Variants in CSMD3 observed in about 807,000 individuals in gnomAD.
The protein encoded by CSMD3 is CUB and sushi domain-containing protein 3.
A neutral mutation model predicts 435.2 loss-of-function variants in CSMD3; 177 were observed. The observed-to-expected ratio is 0.41, with a 90% CI of 0.36 to 0.46. The LOEUF is 0.46. CSMD3 is among the 20% of genes least tolerant of loss of function. The pLI is 0.34. For missense variants in CSMD3, 4,265 were observed against 4,504.6 expected (o/e 0.95, Z 1.52); for synonymous variants, 1,656 against 1,520.5 (o/e 1.09, Z -2.07).
intron 35 of CSMD3, among the ~76,000 whole-genome samples, chr8:112,404,675 T>C (rs1454385139): frequency 2.6e-5 from 4 of 152,098 alleles, no homozygotes; most frequent in South Asian, 2.1e-4. Context: ...TGTGAACAAA[T>C]GTATTTTAAA....
chr8:112,680,938 T>A (rs1475211584), intron 16 of CSMD3, among the ~76,000 whole-genome samples: 2 of 152,042 alleles, frequency 1.3e-5, no homozygotes, highest in Non-Finnish European at 2.9e-5. Flanking sequence ...AAACTGCTTT[T>A]AAAATAATCA....
intron 3 of CSMD3, among the ~76,000 whole-genome samples, chr8:113,184,038 C>A (rs951142024): frequency 6.6e-6 from 1 of 152,034 alleles, no homozygotes; most frequent in Admixed American, 6.6e-5. Context: ...AAGTCTGGGC[C>A]TCTGGAACCT....
intron 6 of CSMD3, among the ~76,000 whole-genome samples, chr8:112,981,052 T>G (rs1357814737): frequency 6.6e-6 from 1 of 151,520 alleles, no homozygotes; most frequent in Non-Finnish European, 1.5e-5. Context: ...AACTAGTTTA[T>G]AATTTTCAAA....
intron 32 of CSMD3, among the ~76,000 whole-genome samples, chr8:112,437,860 C>T (rs72674797): frequency 0.021 from 3,155 of 152,200 alleles, 48 homozygotes; most frequent in Middle Eastern, 0.034. Context: ...GCTCCTCTAC[C>T]TTCAATTAAC....
At chr8:113,288,744 T>C (rs2093663651) in intron 2 of CSMD3, among the ~76,000 whole-genome samples, 1 of 151,884 alleles carries the variant, frequency 6.6e-6, no homozygotes, top group South Asian at 2.1e-4. Flanking sequence ...TATAAGCTTG[T>C]ATTTTAGAGT....
At chr8:113,192,933 C>T (rs991841308) in intron 3 of CSMD3, among the ~76,000 whole-genome samples, 32 of 151,484 alleles carry the variant, frequency 2.1e-4, no homozygotes, top group African/African-American at 7.5e-4. Flanking sequence ...AATAAATGTT[C>T]TGAGTACAAG....
At position 112,291,633 on chromosome 8, in the gene CSMD3, C is replaced by T. The variant is rs2130678174; in HGVS notation, c.8851G>A (p.Gly2951Arg). 1 of 1,611,732 alleles carries T rather than the reference C, an allele frequency of 6.2e-7. No individual in the cohort carries two copies. The highest frequency in any genetic ancestry group is 1.7e-5 in the Admixed American group (1 of 59,936). Residue 2951 changes from glycine to arginine, a missense_variant, in exon 56 of 71, where the codon GGA (glycine) becomes AGA (arginine). Coordinates refer to ENST00000297405, the MANE Select transcript of CSMD3 (RefSeq NM_198123.2). ...ACCACAGTGCCGTAAGTAAAATTTCCATGTTCTATTTTACTTTCTCTTTTA... is the reference window on the plus strand; with the variant it reads ...ACCACAGTGCCGTAAGTAAAATTTCTATGTTCTATTTTACTTTCTCTTTTA... ...NSKRESKIEHGNFTYGTVVFY... is the reference protein window; with the variant it reads ...NSKRESKIEHRNFTYGTVVFY...
intron 4 of CSMD3, among the ~76,000 whole-genome samples, chr8:113,114,605 CA>C (rs977932573): frequency 3.3e-5 from 5 of 152,090 alleles, no homozygotes; most frequent in Non-Finnish European, 7.4e-5. Flanking sequence ...TGGGTTAGTA[CA>C]GTAATTTTTT....
At chr8:112,905,941 A>AGATCATATG (rs1321423702) in intron 10 of CSMD3, among the ~76,000 whole-genome samples, 1 of 151,450 alleles carries the variant, frequency 6.6e-6, no homozygotes, top group African/African-American at 2.4e-5. Flanking sequence ...GGAGGTAATT[A>AGATCATATG]GATCATATGG....
intron 22 of CSMD3, among the ~76,000 whole-genome samples, chr8:112,590,754 C>T (rs970325503): frequency 2.0e-5 from 3 of 151,930 alleles, no homozygotes; most frequent in Admixed American, 1.3e-4. Context: ...GGTCAGAAAA[C>T]CACTGCTTCA....
intron 6 of CSMD3, among the ~76,000 whole-genome samples, chr8:113,005,977 C>G (rs1477569884): frequency 1.3e-5 from 2 of 152,060 alleles, no homozygotes; most frequent in Non-Finnish European, 2.9e-5. Context: ...CAGCTAGCCA[C>G]TTAAACAACA....
At chr8:112,292,775 T>C (rs1177625394) in intron 54 of CSMD3, 65 bp from the exon 55 acceptor site, 1 of 1,349,694 alleles carries the variant, frequency 7.4e-7, no homozygotes, top group Non-Finnish European at 1.1e-6. Flanking sequence ...TTATCAGTTA[T>C]TGCATTATTG....
At chr8:112,559,733 A>T (rs553356579) in intron 24 of CSMD3, among the ~76,000 whole-genome samples, 1 of 152,040 alleles carries the variant, frequency 6.6e-6, no homozygotes, top group Admixed American at 6.6e-5. Flanking sequence ...GATATGAACA[A>T]ATCAAAATCT....
intron 58 of CSMD3, among the ~76,000 whole-genome samples, chr8:112,284,486 T>C (rs1158439584): frequency 1.3e-5 from 2 of 151,834 alleles, no homozygotes; most frequent in African/African-American, 2.4e-5. Flanking sequence ...GGTTCTAATA[T>C]AGCACATAAT....
intron 2 of CSMD3, chr8:113,310,825 C>A (rs570647923): frequency 3.3e-4 from 50 of 151,452 alleles, no homozygotes; most frequent in African/African-American, 1.1e-3. Flanking sequence ...GATGCTAATA[C>A]GTGAATTAAT....
chr8:112,477,273 G>A (rs745344071), intron 31 of CSMD3, among the ~76,000 whole-genome samples: 1 of 152,096 alleles, frequency 6.6e-6, no homozygotes, highest in Non-Finnish European at 1.5e-5. Flanking sequence ...GCAATACTAT[G>A]TGAAAGATAT....
intron 4 of CSMD3, among the ~76,000 whole-genome samples, chr8:113,119,771 T>C (rs541533817): frequency 6.6e-6 from 1 of 152,244 alleles, no homozygotes; most frequent in Non-Finnish European, 1.5e-5. Flanking sequence ...TATTGCAACA[T>C]TTCTTACTGG....
intron 13 of CSMD3, among the ~76,000 whole-genome samples, chr8:112,733,154 A>G (rs2077112082): frequency 6.6e-6 from 1 of 152,132 alleles, no homozygotes; most frequent in South Asian, 2.1e-4. Flanking sequence ...AAACAATATT[A>G]TGCCTAATAA....
intron 13 of CSMD3, among the ~76,000 whole-genome samples, chr8:112,732,708 A>AC (rs2077101209): frequency 6.6e-6 from 1 of 151,564 alleles, no homozygotes; most frequent in African/African-American, 2.4e-5. Context: ...TCAAAAAAAA[A>AC]AAAAAAAAGA....
Sources: gnomAD v4.1 joint callset for allele counts (sites outside exome capture counted in the v4.1 genomes callset) on GRCh38, gnomAD v4.1.1 for gene constraint, MANE v1.5 for transcripts, NCBI Gene and HGNC (gene_info 2026-07-23, HGNC 2026-07-21) for gene names.